The following PALS1 variants were observed in gnomAD, a reference collection of about 807,000 sequenced individuals.
The protein encoded by PALS1 is protein PALS1.
A neutral mutation model predicts 78.9 loss-of-function variants in PALS1; 31 were observed. The observed-to-expected ratio is 0.39, with a 90% CI of 0.30 to 0.53. PALS1 has a LOEUF of 0.53. Among genes scored for constraint, PALS1 ranks in the 20% least tolerant of loss-of-function variants. PALS1 has a pLI of 0.67. For missense variants in PALS1, 704 were observed against 826.5 expected (o/e 0.85, Z 1.82); for synonymous variants, 276 against 270.9 (o/e 1.02, Z -0.18).
chr14:67,250,955 C>A (rs2084054856), intron 1 of PALS1, among the ~76,000 whole-genome samples: 1 of 152,128 alleles, frequency 6.6e-6, no homozygotes, highest in African/African-American at 2.4e-5. Flanking sequence ...ATGCTGTATC[C>A]TTTGTATGTA....
At chr14:67,295,937 CA>C in intron 4 of PALS1, among the ~76,000 whole-genome samples, 2 of 151,274 alleles carry the variant, frequency 1.3e-5, no homozygotes, top group East Asian at 3.9e-4. Flanking sequence ...TAATAGAAAC[CA>C]AAAAAAACCT....
chr14:67,259,526 T>C (rs1455170373), intron 1 of PALS1, among the ~76,000 whole-genome samples: 2 of 151,932 alleles, frequency 1.3e-5, no homozygotes, highest in Non-Finnish European at 2.9e-5. Flanking sequence ...GCAGGAGAAT[T>C]GCGTGAACTC....
At chr14:67,268,206 A>G (rs909056876) in intron 1 of PALS1, among the ~76,000 whole-genome samples, 4 of 152,156 alleles carry the variant, frequency 2.6e-5, no homozygotes, top group Non-Finnish European at 5.9e-5. Context: ...CTTCCTTCAC[A>G]TTCTCTCCAG....
At position 67,285,288 on chromosome 14, in the gene PALS1, A is replaced by G. The variant is rs147565770; in HGVS notation, c.367+5751A>G. Among the ~76,000 whole-genome samples, 727 of 152,258 alleles carry G rather than the reference A, an allele frequency of 4.8e-3. 11 individuals carry two copies. Among genetic ancestry groups the G allele is most frequent in the African/African-American group, 0.017 (698 of 41,528 alleles). ...TGCTGGGTATAGGTCCCTAGAAGCT[A>G]TCTGTTTTCATATGGGGTAAATGAG... On this transcript the variant is annotated intron_variant, in intron 3 of 14. Transcript: ENST00000261681.
intron 2 of PALS1, among the ~76,000 whole-genome samples, chr14:67,274,814 G>A (rs1029522375): frequency 2.4e-4 from 36 of 152,146 alleles, no homozygotes; most frequent in African/African-American, 7.2e-4. Flanking sequence ...GTGGTTTCTA[G>A]TTCTCCTTGA....
intron 1 of PALS1, among the ~76,000 whole-genome samples, chr14:67,247,722 C>T (rs2140421557): frequency 6.6e-6 from 1 of 152,154 alleles, no homozygotes; most frequent in African/African-American, 2.4e-5. Flanking sequence ...GGACCTACTG[C>T]AAGTGCCACT....
At chr14:67,292,939 T>G (rs1471142844) in intron 4 of PALS1, among the ~76,000 whole-genome samples, 1 of 152,182 alleles carries the variant, frequency 6.6e-6, no homozygotes, top group East Asian at 1.9e-4. Flanking sequence ...AAGAGTTAAT[T>G]TTTTATATAT....
intron 8 of PALS1, among the ~76,000 whole-genome samples, chr14:67,308,263 A>G (rs551768988): frequency 1.3e-5 from 2 of 151,470 alleles, no homozygotes; most frequent in Non-Finnish European, 2.9e-5. Flanking sequence ...TGTAAAAAGT[A>G]TAAAAGCCAA....
At chr14:67,283,041 G>C (rs1320168419) in intron 3 of PALS1, among the ~76,000 whole-genome samples, 1 of 152,060 alleles carries the variant, frequency 6.6e-6, no homozygotes, top group Admixed American at 6.5e-5. Flanking sequence ...AGCAGTGTCA[G>C]GAAAGGGAAC....
intron 12 of PALS1, 63 bp from the exon 13 acceptor site, chr14:67,320,994 G>A: frequency 2.2e-6 from 3 of 1,385,708 alleles, no homozygotes; most frequent in South Asian, 1.2e-5. Flanking sequence ...CTGACTAGCA[G>A]AATTATCCCC....
intron 8 of PALS1, among the ~76,000 whole-genome samples, chr14:67,309,471 T>A (rs929546868): frequency 1.8e-4 from 28 of 152,214 alleles, no homozygotes; most frequent in Non-Finnish European, 2.9e-5. Context: ...TTTTAGGGTA[T>A]ATTTTAGATG....
At position 67,334,077 on chromosome 14, in the gene PALS1, T is replaced by A. The variant is rs774882269; in HGVS notation, c.*1121T>A. ...TGTCCTTGGGAAATATTATGACAGT[T>A]GACTTTAAGATCAAAAGGAAGGGAA... On this transcript the variant is annotated 3_prime_UTR_variant, in exon 15 of 15. Transcript: ENST00000261681. The A allele has an allele frequency of 6.6e-6, 1 of 152,520 alleles. No individual in the cohort carries two copies. The highest frequency in any genetic ancestry group is 1.5e-5 in the Non-Finnish European group (1 of 68,034). The allele number at this position is 152,520 out of a possible 1,614,324, so 9.4% of individuals were successfully genotyped here. A position where few individuals can be genotyped will look rare whatever the true frequency, so the allele number is the denominator to read the frequency against.
intron 3 of PALS1, among the ~76,000 whole-genome samples, chr14:67,287,528 C>T (rs1470755318): frequency 1.3e-5 from 2 of 152,058 alleles, no homozygotes; most frequent in Admixed American, 1.3e-4. Flanking sequence ...CATACCAGAT[C>T]CCAAAAATTA....
rs146063415 is a variant in PALS1, at chr14:67,319,208, T to TC, written c.1370-1018dup. Among the ~76,000 whole-genome samples the TC allele has an allele frequency of 6.2e-4, 94 of 152,278 alleles. 1 individual carries two copies. The highest frequency in any genetic ancestry group is 2.2e-3 in the African/African-American group (93 of 41,560). On this transcript the variant is annotated intron_variant, in intron 11 of 14. Coordinates refer to ENST00000261681, the MANE Select transcript of PALS1 (RefSeq NM_022474.4). ...CTGAGCATTGACAAGCCTAAGATGG[T>TC]CCCCTAACCTCATGGAAATAGAGCT...
At chr14:67,290,836 G>C (rs1165389774) in intron 3 of PALS1, among the ~76,000 whole-genome samples, 3 of 152,086 alleles carry the variant, frequency 2.0e-5, no homozygotes, top group African/African-American at 7.2e-5. Context: ...CGCCTGGCCA[G>C]GAATGATTAT....
At chr14:67,316,183 G>A (rs1340202854) in intron 9 of PALS1, among the ~76,000 whole-genome samples, 2 of 152,122 alleles carry the variant, frequency 1.3e-5, no homozygotes, top group Non-Finnish European at 2.9e-5. Context: ...AGACATATTT[G>A]ATTTAAAGTA....
At chr14:67,330,527 C>G (rs545879334) in intron 14 of PALS1, among the ~76,000 whole-genome samples, 1 of 142,436 alleles carries the variant, frequency 7.0e-6, no homozygotes, top group East Asian at 2.1e-4. Context: ...GGCACTATCT[C>G]TGCTCACTGC....
chr14:67,258,188 A>C (rs1187005848), intron 1 of PALS1, among the ~76,000 whole-genome samples: 1 of 152,042 alleles, frequency 6.6e-6, no homozygotes, highest in African/African-American at 2.4e-5. Flanking sequence ...GTAGATGGGA[A>C]GTCTATAGAA....
At position 67,279,077 on chromosome 14, in the gene PALS1, TGAA is replaced by T; in HGVS notation, c.-92_-90del. The T allele has an allele frequency of 2.4e-6, 3 of 1,247,010 alleles. No individual in the cohort carries two copies. The highest frequency in any genetic ancestry group is 2.7e-5 in the East Asian group (1 of 37,680). The allele number at this position is 1,247,010 out of a possible 1,614,324, so 77.2% of individuals were successfully genotyped here. On this transcript the variant is annotated 5_prime_UTR_variant, in exon 3 of 15. Coordinates refer to ENST00000261681, the MANE Select transcript of PALS1 (RefSeq NM_022474.4). ...ATGTGATGTGAGAAGTTTTTTTTTTTGAAGTAACATGGATTTTATACTACAGAA... is the reference window on the plus strand; with the variant it reads ...ATGTGATGTGAGAAGTTTTTTTTTTTGTAACATGGATTTTATACTACAGAA...
Sources: allele counts gnomAD v4.1 joint callset (sites outside exome capture counted in the v4.1 genomes callset), GRCh38; gene constraint gnomAD v4.1.1; transcripts MANE v1.5; gene names NCBI Gene and HGNC (gene_info 2026-07-23, HGNC 2026-07-21).